The following PRKAG2 variants were observed in gnomAD, a reference collection of about 807,000 sequenced individuals.
PRKAG2 encodes the protein 5'-AMP-activated protein kinase subunit gamma-2.
In PRKAG2, 26 loss-of-function variants were observed where a neutral mutation model predicts 69.6. The ratio of observed to expected loss-of-function variants is 0.37; its 90% CI spans 0.27 to 0.52. The LOEUF (loss-of-function observed/expected upper bound fraction) is 0.52. Ranked by LOEUF, PRKAG2 falls within the 20% of genes least tolerant of loss-of-function variation. The pLI is 0.90. For synonymous variants in PRKAG2, 293 were observed against 285.0 expected (o/e 1.03, Z -0.28); for missense variants, 557 against 740.0 (o/e 0.75, Z 2.87).
chr7:151,764,748 CA>C (rs1234444769), intron 3 of PRKAG2, among the ~76,000 whole-genome samples: 5 of 152,246 alleles, frequency 3.3e-5, no homozygotes, highest in African/African-American at 4.8e-5. Context: ...GGGGCAGTGT[CA>C]GGATGGTCAG....
At chr7:151,849,737 C>T (rs1466384712) in intron 1 of PRKAG2, among the ~76,000 whole-genome samples, 1 of 152,140 alleles carries the variant, frequency 6.6e-6, no homozygotes, top group Non-Finnish European at 1.5e-5. Flanking sequence ...TGTCCCATGG[C>T]CTGCTCCCCA....
intron 4 of PRKAG2, among the ~76,000 whole-genome samples, chr7:151,646,347 T>C (rs1827559804): frequency 6.6e-6 from 1 of 152,342 alleles, no homozygotes; most frequent in East Asian, 1.9e-4. Flanking sequence ...AGCCCTTTGA[T>C]TTCTCTCAGC....
intron 6 of PRKAG2, among the ~76,000 whole-genome samples, chr7:151,588,203 A>G (rs984978347): frequency 2.0e-5 from 3 of 152,056 alleles, no homozygotes; most frequent in Non-Finnish European, 4.4e-5. Flanking sequence ...GGAATCACTA[A>G]CTGATGTGGT....
intron 3 of PRKAG2, among the ~76,000 whole-genome samples, chr7:151,677,003 G>C (rs766119464): frequency 2.0e-5 from 3 of 152,218 alleles, no homozygotes; most frequent in Non-Finnish European, 4.4e-5. Context: ...GTTTCAGAGA[G>C]AGCGTGGCGC....
intron 1 of PRKAG2, among the ~76,000 whole-genome samples, chr7:151,855,113 TACACACACACCATC>T (rs1586728220): frequency 8.1e-5 from 3 of 37,162 alleles, no homozygotes; most frequent in Admixed American, 3.1e-4. Flanking sequence ...CACACCACCC[TACACACACACCATC>T]CTCCACACAC....
intron 5 of PRKAG2, among the ~76,000 whole-genome samples, chr7:151,619,969 C>T (rs976516882): frequency 8.6e-5 from 13 of 152,040 alleles, no homozygotes; most frequent in Admixed American, 7.9e-4. Context: ...TGCAGTGAGC[C>T]GAGATCGCGC....
At chr7:151,592,036 G>T (rs187922892) in intron 6 of PRKAG2, among the ~76,000 whole-genome samples, 1 of 152,092 alleles carries the variant, frequency 6.6e-6, no homozygotes, top group Non-Finnish European at 1.5e-5. Flanking sequence ...ACCCTCTCTC[G>T]CCAGGCCGAG....
chr7:151,864,047 T>TAGAGG (rs1020140831), intron 1 of PRKAG2, among the ~76,000 whole-genome samples: 62 of 152,252 alleles, frequency 4.1e-4, no homozygotes, highest in African/African-American at 1.4e-3. Flanking sequence ...TTGCCACATC[T>TAGAGG]AGAGGAGAGG....
At chr7:151,653,678 C>T (rs1179447377) in intron 4 of PRKAG2, among the ~76,000 whole-genome samples, 1 of 152,122 alleles carries the variant, frequency 6.6e-6, no homozygotes, top group Non-Finnish European at 1.5e-5. Flanking sequence ...CAAGTCTCTA[C>T]TAGAAATACA....
intron 5 of PRKAG2, among the ~76,000 whole-genome samples, chr7:151,613,413 G>T (rs1012303181): frequency 6.6e-6 from 1 of 152,258 alleles, no homozygotes; most frequent in African/African-American, 2.4e-5. Context: ...AATTAGGAAT[G>T]CTCAACTGGT....
intron 3 of PRKAG2, among the ~76,000 whole-genome samples, chr7:151,718,965 T>G (rs1205947964): frequency 6.6e-6 from 1 of 152,162 alleles, no homozygotes; most frequent in Non-Finnish European, 1.5e-5. Context: ...GCCTGCATCT[T>G]GCCAAGTAGT....
At chr7:151,773,028 AGAGAGAGAGAGAGAGAGAGAGAGAG>A (rs2076117293) in intron 3 of PRKAG2, among the ~76,000 whole-genome samples, 1 of 50,828 alleles carries the variant, frequency 2.0e-5, no homozygotes, top group African/African-American at 9.6e-5. Context: ...AAAGAAAGAG[AGAGAGAGAGAGAGAGAGAGAGAGAG>A]GGAGGGAGGG....
rs531653735 is a variant in PRKAG2, at chr7:151,756,438, C to G, written c.466+24714G>C. Among the ~76,000 whole-genome samples, 2 of 152,354 alleles carry G rather than the reference C, an allele frequency of 1.3e-5. No individual in the cohort carries two copies. The highest frequency in any genetic ancestry group is 6.5e-5 in the Admixed American group (1 of 15,308). On this transcript the variant is annotated intron_variant, in intron 3 of 15. Coordinates refer to ENST00000287878, the MANE Select transcript of PRKAG2 (RefSeq NM_016203.4). The surrounding 1 kb of genome is among the most constrained non-coding windows in gnomAD (Gnocchi z 4.9). ...CCCCGCTCAGCACATGGCTCAGGCA[C>G]ACGCAACGACTCAGTGGTGCCTCCA...
chr7:151,625,131 C>T (rs1202872874), intron 5 of PRKAG2, among the ~76,000 whole-genome samples: 1 of 152,158 alleles, frequency 6.6e-6, no homozygotes, highest in Non-Finnish European at 1.5e-5. Flanking sequence ...GTGCGTCCCC[C>T]TAACAGCACC....
chr7:151,803,698 T>C (rs1389609580), intron 1 of PRKAG2, among the ~76,000 whole-genome samples: 1 of 152,022 alleles, frequency 6.6e-6, no homozygotes, highest in Non-Finnish European at 1.5e-5. Flanking sequence ...GCAACGGCTA[T>C]ATTATCCAGC....
rs1429484030 is a variant in PRKAG2 at position 151,850,783 on chromosome 7, C to T, written c.114+25724G>A. ...TGCCTCGCAGTTGTGCAAATCAGTT[C>T]AGCTCAGTGAGTTTTAATTCAGTGT... On this transcript the variant is annotated intron_variant, in intron 1 of 15. Coordinates refer to ENST00000287878, the MANE Select transcript of PRKAG2 (RefSeq NM_016203.4). This position sits in a 1 kb window ranked among gnomAD's most constrained non-coding sequence, Gnocchi z 4.1. Among the ~76,000 whole-genome samples, 12 of 152,356 alleles carry T rather than the reference C, an allele frequency of 7.9e-5. No homozygotes were observed. Among genetic ancestry groups the T allele is most frequent in the Non-Finnish European group, 1.5e-5 (1 of 68,042 alleles).
At chr7:151,782,114 A>G (rs2076700432) in intron 2 of PRKAG2, among the ~76,000 whole-genome samples, 1 of 151,730 alleles carries the variant, frequency 6.6e-6, no homozygotes, top group Non-Finnish European at 1.5e-5. Flanking sequence ...TCTACTAAAA[A>G]TAAAAAAATA....
chr7:151,692,982 T>A (rs1452489974), intron 3 of PRKAG2, among the ~76,000 whole-genome samples: 1 of 152,072 alleles, frequency 6.6e-6, no homozygotes, highest in Non-Finnish European at 1.5e-5. Flanking sequence ...TCACACAGCC[T>A]GTACCCTGCC....
At chr7:151,669,129 A>C (rs751965745) in intron 4 of PRKAG2, among the ~76,000 whole-genome samples, 3 of 151,704 alleles carry the variant, frequency 2.0e-5, no homozygotes, top group Non-Finnish European at 2.9e-5. Context: ...TCCAATCTTT[A>C]ATTTCTCCCT....
Sources: gnomAD v4.1 joint callset for allele counts (sites outside exome capture counted in the v4.1 genomes callset) on GRCh38, gnomAD v4.1.1 for gene constraint, Gnocchi (gnomAD v3.1) non-coding constraint, MANE v1.5 for transcripts, NCBI Gene and HGNC (gene_info 2026-07-23, HGNC 2026-07-21) for gene names.